SNX29: variants seen among roughly 807,000 people sequenced by gnomAD.
SNX29 encodes the protein sorting nexin 29.
SNX29 carries 78 observed loss-of-function variants against 102.1 expected under a neutral mutation model. The observed-to-expected ratio is 0.76, with a 90% CI of 0.64 to 0.92. SNX29 has a LOEUF of 0.92. SNX29 is among the 40% of genes least tolerant of loss of function. The pLI, the probability that SNX29 is intolerant of heterozygous loss-of-function variation, is 0.00. For missense variants in SNX29, 1,280 were observed against 1,061.7 expected, an observed-to-expected ratio of 1.21 and a Z score of -2.86; for synonymous variants, 580 against 414.5, an observed-to-expected ratio of 1.40 and a Z score of -4.85.
chr16:12,193,519 T>C (rs574305383), intron 13 of SNX29, among the ~76,000 whole-genome samples: 41 of 151,860 alleles, frequency 2.7e-4, no homozygotes, highest in East Asian at 1.4e-3. Flanking sequence ...AGTTAAACTC[T>C]TTTTTCTACT....
intron 15 of SNX29, among the ~76,000 whole-genome samples, chr16:12,342,098 A>G (rs148504154): frequency 2.3e-4 from 35 of 152,324 alleles, no homozygotes; most frequent in Non-Finnish European, 4.9e-4. Context: ...AAACAGAAGA[A>G]GATCACATTT....
chr16:12,305,484 C>G (rs908102069), intron 15 of SNX29, among the ~76,000 whole-genome samples: 2 of 152,146 alleles, frequency 1.3e-5, no homozygotes, highest in Non-Finnish European at 2.9e-5. Context: ...CACACTTGAC[C>G]ATCTTCAGAA....
intron 19 of SNX29, among the ~76,000 whole-genome samples, chr16:12,496,062 C>T (rs1010287301): frequency 6.6e-6 from 1 of 152,076 alleles, no homozygotes; most frequent in African/African-American, 2.4e-5. Context: ...AAAATGTCTG[C>T]AGGTTTCAGT....
chr16:12,342,048 G>A (rs2081624520), intron 15 of SNX29, among the ~76,000 whole-genome samples: 1 of 152,180 alleles, frequency 6.6e-6, no homozygotes, highest in African/African-American at 2.4e-5. Context: ...CCAGATTCTG[G>A]GAGGTAGATG....
At chr16:12,260,268 G>T (rs1356973154) in intron 14 of SNX29, among the ~76,000 whole-genome samples, 4 of 152,182 alleles carry the variant, frequency 2.6e-5, no homozygotes. Context: ...TTCCAGCCTT[G>T]ACATTGTTTT....
chr16:12,401,019 G>C (rs1410585894), intron 17 of SNX29, among the ~76,000 whole-genome samples: 1 of 152,116 alleles, frequency 6.6e-6, no homozygotes, highest in Non-Finnish European at 1.5e-5. Flanking sequence ...TTTTAGTAGA[G>C]ACAGGGTTTC....
intron 5 of SNX29, among the ~76,000 whole-genome samples, chr16:12,044,116 T>TA (rs2049993801): frequency 6.6e-6 from 1 of 152,206 alleles, no homozygotes; most frequent in African/African-American, 2.4e-5. Context: ...CCTTGAGTGA[T>TA]ACGGAGCGAC....
intron 14 of SNX29, among the ~76,000 whole-genome samples, chr16:12,257,010 G>A (rs200984948): frequency 2.6e-4 from 40 of 152,326 alleles, no homozygotes; most frequent in East Asian, 1.7e-3. Flanking sequence ...GTCAGAAGCC[G>A]TGGATTTCAA....
At chr16:12,155,489 C>G (rs1166102491) in intron 13 of SNX29, among the ~76,000 whole-genome samples, 1 of 152,156 alleles carries the variant, frequency 6.6e-6, no homozygotes, top group East Asian at 1.9e-4. Flanking sequence ...GGACCCTGGA[C>G]TCTTTCCATT....
At chr16:12,181,531 C>T (rs1374735673) in intron 13 of SNX29, among the ~76,000 whole-genome samples, 6 of 152,206 alleles carry the variant, frequency 3.9e-5, no homozygotes, top group Admixed American at 6.5e-5. Context: ...GAATGGGAGG[C>T]AGGTTTGCCC....
At chr16:12,542,750 T>A (rs888482213) in intron 20 of SNX29, among the ~76,000 whole-genome samples, 10 of 151,320 alleles carry the variant, frequency 6.6e-5, no homozygotes, top group Non-Finnish European at 1.2e-4. Context: ...AGCACTAGAC[T>A]ATCACTGCCT....
chr16:12,338,664 T>C (rs1218173834), intron 15 of SNX29, among the ~76,000 whole-genome samples: 4 of 152,154 alleles, frequency 2.6e-5, no homozygotes, highest in African/African-American at 7.2e-5. Context: ...TATATCCCCA[T>C]AGGCAAATCA....
At chr16:12,377,204 G>A (rs141603188) in intron 16 of SNX29, among the ~76,000 whole-genome samples, 15 of 152,268 alleles carry the variant, frequency 9.9e-5, no homozygotes, top group African/African-American at 3.4e-4. Context: ...TGTAAAACAG[G>A]GTGTAGTATA....
chr16:12,516,088 C>T (rs552639400), intron 19 of SNX29, among the ~76,000 whole-genome samples: 2 of 152,286 alleles, frequency 1.3e-5, no homozygotes, highest in South Asian at 4.1e-4. Flanking sequence ...AACCATAAGT[C>T]AGCCGATGGC....
intron 4 of SNX29, among the ~76,000 whole-genome samples, chr16:12,032,822 C>A (rs2057381604): frequency 6.6e-6 from 1 of 151,852 alleles, no homozygotes; most frequent in Admixed American, 6.6e-5. Context: ...TCTCCACCAT[C>A]CTTCCACATC....
chr16:12,061,041 A>C (rs1408961688), intron 8 of SNX29, among the ~76,000 whole-genome samples: 2 of 152,110 alleles, frequency 1.3e-5, no homozygotes, highest in African/African-American at 2.4e-5. Context: ...CCTGTGATGC[A>C]TGTGCTGTCC....
chr16:12,254,657 A>AC (rs1491348323), intron 14 of SNX29, among the ~76,000 whole-genome samples: 2 of 151,148 alleles, frequency 1.3e-5, no homozygotes, highest in East Asian at 3.9e-4. Flanking sequence ...AAAAAAAAAA[A>AC]GGTGAAGGAC....
intron 4 of SNX29, among the ~76,000 whole-genome samples, chr16:12,037,042 A>T (rs2057495638): frequency 6.6e-6 from 1 of 152,052 alleles, no homozygotes; most frequent in Admixed American, 6.6e-5. Context: ...GGGTCTCGCT[A>T]CATTATGGGG....
At chr16:12,452,505 T>C (rs1474870870) in intron 18 of SNX29, among the ~76,000 whole-genome samples, 1 of 152,100 alleles carries the variant, frequency 6.6e-6, no homozygotes, top group Non-Finnish European at 1.5e-5. Flanking sequence ...CCAGAGGAGT[T>C]CAGAGGAGAG....
Sources: gnomAD v4.1 joint callset for allele counts (sites outside exome capture counted in the v4.1 genomes callset) on GRCh38, gnomAD v4.1.1 for gene constraint, MANE v1.5 for transcripts, NCBI Gene and HGNC (gene_info 2026-07-23, HGNC 2026-07-21) for gene names.